Variants in CDON observed in about 807,000 individuals in gnomAD.
CDON encodes the protein cell adhesion associated, oncogene regulated, also known as cell adhesion molecule-related/down-regulated by oncogenes.
Under a neutral mutation model 120.9 loss-of-function variants are expected in CDON, and 73 were observed. The ratio of observed to expected loss-of-function variants is 0.60; its 90% confidence interval spans 0.50 to 0.73. The LOEUF (loss-of-function observed/expected upper bound fraction) is 0.73. Among genes scored for constraint, CDON ranks in the 30% least tolerant of loss-of-function variants. CDON has a pLI of 0.00. For missense variants in CDON, 1,470 were observed against 1,587.3 expected (o/e 0.93, Z 1.26); for synonymous variants, 566 against 573.5 (o/e 0.99, Z 0.19).
chr11:125,996,924 A>C (rs570481676), intron 12 of CDON, among the ~76,000 whole-genome samples: 52 of 152,276 alleles, frequency 3.4e-4, no homozygotes, highest in African/African-American at 1.2e-3. Context: ...CTGTAATCCC[A>C]GCACTTTAGT....
chr11:126,057,150 T>C (rs1007206935), intron 1 of CDON, among the ~76,000 whole-genome samples: 4 of 152,142 alleles, frequency 2.6e-5, no homozygotes, highest in Non-Finnish European at 5.9e-5. Context: ...TAAACCCAGT[T>C]CTGTGAATAA....
At position 125,997,524 on chromosome 11, in the gene CDON, T is replaced by C. The variant is rs538363866; in HGVS notation, c.2159-114A>G. 4 of 821,932 alleles carry C rather than the reference T, an allele frequency of 4.9e-6. No homozygotes were observed. In the African/African-American group the frequency reaches 6.8e-5, roughly 14 times the overall value. 50.9% of individuals were successfully genotyped at this position (821,932 alleles called of 1,614,324 possible). A position where few individuals can be genotyped will look rare whatever the true frequency, so the allele number is the denominator to read the frequency against. On this transcript the variant is annotated intron_variant, in intron 11 of 19. Coordinates refer to ENST00000531738, the MANE Select transcript of CDON (RefSeq NM_001378964.1). ...TGTTATTAAAGGTTCTTCACCAAACTTTTTGCCAGAGTTTATAACATTTAC... is the reference window on the plus strand; with the variant it reads ...TGTTATTAAAGGTTCTTCACCAAACCTTTTGCCAGAGTTTATAACATTTAC...
rs145617799 is a variant in CDON at position 126,031,503 on chromosome 11, G to A, written c.-61-7966C>T. Reference sequence around the variant, plus strand: ...CCACAGTTTTTAGACTTTACACCACGTCACGTAGAAAAAAGTGAATTGCTT... The same window carrying A: ...CCACAGTTTTTAGACTTTACACCACATCACGTAGAAAAAAGTGAATTGCTT... On this transcript the variant is annotated intron_variant, in intron 1 of 19. Transcript: ENST00000531738. Among the ~76,000 whole-genome samples the A allele has an allele frequency of 2.6e-5, 4 of 152,216 alleles. No homozygotes were observed. In the East Asian group the frequency reaches 7.7e-4, roughly 29 times the overall value.
At chr11:126,056,780 T>C (rs1948691689) in intron 1 of CDON, among the ~76,000 whole-genome samples, 1 of 152,238 alleles carries the variant, frequency 6.6e-6, no homozygotes, top group Non-Finnish European at 1.5e-5. Flanking sequence ...CCAAAACTCT[T>C]CTTCCTGATA....
chr11:126,017,363 T>C lies in CDON; in HGVS notation c.653A>G (p.Asp218Gly). ...GGTGGGGTGAAGAATGTGAACATCA[T>C]CTGAAGAAGGACCTGGAAAAGGAAA... ...RKLLVSRPSS[D>G]DVHILHPTHS... is the part of the protein sequence containing the mutation. The change falls in exon 6 of 20, where the codon GAT becomes GGT. Residue 218 changes from aspartate (D) to glycine (G), a missense_variant. Coordinates refer to ENST00000531738, the MANE Select transcript of CDON (RefSeq NM_001378964.1). The C allele has an allele frequency of 1.2e-6, 2 of 1,614,080 alleles. No individual in the cohort carries two copies. The highest frequency in any genetic ancestry group is 1.1e-5 in the South Asian group (1 of 91,078).
chr11:126,056,234 T>C (rs1948677087), intron 1 of CDON, among the ~76,000 whole-genome samples: 1 of 152,214 alleles, frequency 6.6e-6, no homozygotes, highest in Non-Finnish European at 1.5e-5. Flanking sequence ...TGTTGGATAG[T>C]TCTTCTTTCT....
intron 15 of CDON, among the ~76,000 whole-genome samples, chr11:125,987,891 C>A (rs559029134): frequency 9.8e-5 from 15 of 152,316 alleles, no homozygotes; most frequent in Admixed American, 7.2e-4. Context: ...GTGAGTATTG[C>A]AGCAGAAACA....
chr11:126,044,761 G>A (rs889060021), intron 1 of CDON, among the ~76,000 whole-genome samples: 19 of 152,048 alleles, frequency 1.2e-4, no homozygotes, highest in African/African-American at 3.9e-4. Flanking sequence ...CAGGGAGGTG[G>A]GGATAAAGTG....
At position 126,010,647 on chromosome 11, in the gene CDON, C is replaced by G. The variant is rs199880115; in HGVS notation, c.1246G>C (p.Val416Leu). ...VIITAPVSAK[V>L]ADGDFVTLSC... Reference sequence around the variant, plus strand: ...AGAGTAACAAAGTCTCCGTCTGCAACCTTTGCACTTACTGGTGCCGTAATT... The same window carrying G: ...AGAGTAACAAAGTCTCCGTCTGCAAGCTTTGCACTTACTGGTGCCGTAATT... The change falls in exon 8 of 20, where the codon GTT becomes CTT. Residue 416 changes from valine (V) to leucine (L), a missense_variant. Physicochemically the swap from Val to Leu is conservative, Grantham distance 32. Coordinates refer to ENST00000531738, the MANE Select transcript of CDON (RefSeq NM_001378964.1). The G allele has an allele frequency of 2.5e-6, 4 of 1,614,180 alleles. No individual in the cohort carries two copies. In the East Asian group the frequency reaches 8.9e-5, roughly 36 times the overall value.
chr11:125,984,676 G>A (rs1424516300), intron 15 of CDON, among the ~76,000 whole-genome samples: 1 of 140,188 alleles, frequency 7.1e-6, no homozygotes, highest in Non-Finnish European at 1.5e-5. Flanking sequence ...CAACCTGGAA[G>A]ACAGAGTGAG....
Position 125,997,316 on chromosome 11 carries a change from G to A in CDON, c.2253C>T (p.Ile751=). Residue 751 remains isoleucine (I), a synonymous_variant, in exon 12 of 20, where the codon ATC becomes ATT. Coordinates refer to ENST00000531738, the MANE Select transcript of CDON (RefSeq NM_001378964.1). The stretch of plus-strand genomic sequence containing the variant: ...GTTTATATTCGACTTTGAAGGCAGT[G>A]ATTGGAGAACCCCCGTTTGCCCGAG... ...WIPRANGGSP[I]TAFKVEYKRM... is the part of the protein sequence containing the mutation. 1 of 1,613,996 alleles carries A rather than the reference G, an allele frequency of 6.2e-7. No individual in the cohort carries two copies.
At chr11:125,969,564 TAAGGTGGAA>T (rs1430855294) in intron 18 of CDON, among the ~76,000 whole-genome samples, 1 of 152,224 alleles carries the variant, frequency 6.6e-6, no homozygotes, top group Non-Finnish European at 1.5e-5. Context: ...ATTACTGGCT[TAAGGTGGAA>T]TAAAAGTTTT....
rs891833195 is a variant in CDON at position 125,995,169 on chromosome 11, A to G, written c.2363-117T>C. 1.7e-5 allele frequency: 14 copies of G among 831,250 alleles called. No individual in the cohort carries two copies. The East Asian group carries it at 3.6e-4, about 21-fold the overall frequency. 51.5% of individuals were successfully genotyped at this position (831,250 alleles called of 1,614,324 possible). Reference sequence around the variant, plus strand: ...ATATGGCAATTGTGCTGAAGTACCTATCTATACTAAAGTATCTAAAGCCTG... The same window carrying G: ...ATATGGCAATTGTGCTGAAGTACCTGTCTATACTAAAGTATCTAAAGCCTG... On this transcript the variant is annotated intron_variant, in intron 12 of 19. Transcript: ENST00000531738.
chr11:125,990,330 G>C (rs917477853), intron 14 of CDON, among the ~76,000 whole-genome samples: 1 of 152,086 alleles, frequency 6.6e-6, no homozygotes, highest in African/African-American at 2.4e-5. Flanking sequence ...GGAAACTCTT[G>C]GCCACCACCC....
chr11:125,981,410 A>G, intron 16 of CDON, 81 bp from the exon 17 acceptor site: 1 of 1,415,796 alleles, frequency 7.1e-7, no homozygotes, highest in Non-Finnish European at 9.8e-7. Flanking sequence ...ACGCATGCAC[A>G]CATGCACATA....
At chr11:126,056,728 T>C (rs1281485744) in intron 1 of CDON, among the ~76,000 whole-genome samples, 2 of 152,232 alleles carry the variant, frequency 1.3e-5, no homozygotes, top group Non-Finnish European at 2.9e-5. Context: ...AAATTCTGAA[T>C]GTATAGGCAT....
At chr11:126,028,642 C>A (rs1947863745) in intron 1 of CDON, among the ~76,000 whole-genome samples, 1 of 152,070 alleles carries the variant, frequency 6.6e-6, no homozygotes, top group African/African-American at 2.4e-5. Flanking sequence ...GGATTACAGG[C>A]ATGAGCCACT....
intron 15 of CDON, among the ~76,000 whole-genome samples, chr11:125,989,257 C>G (rs959358086): frequency 2.6e-5 from 4 of 152,146 alleles, no homozygotes; most frequent in African/African-American, 9.7e-5. Context: ...TAGTCATGTC[C>G]AGGCACGGTG....
In CDON at chr11:126,021,533, A is replaced by T. The variant is rs751251757; in HGVS notation, c.77-13T>A. 1 of 1,612,790 alleles carries T rather than the reference A, an allele frequency of 6.2e-7. No homozygotes were observed. The highest frequency in any genetic ancestry group is 1.1e-5 in the South Asian group (1 of 90,886). ...TAAGGTGCCAAGTCTACAAGGGAAT[A>T]TTCCCCATATGCAAAGAAAGCAGGG... On this transcript the variant is annotated splice_polypyrimidine_tract_variant and intron_variant, in intron 2 of 19. Transcript: ENST00000531738.
Sources: allele counts gnomAD v4.1 joint callset (sites outside exome capture counted in the v4.1 genomes callset), GRCh38; gene constraint gnomAD v4.1.1; transcripts MANE v1.5; gene names NCBI Gene and HGNC (gene_info 2026-07-23, HGNC 2026-07-21).